TRAM1: variants seen among roughly 807,000 people sequenced by gnomAD.
TRAM1 encodes translocation associated membrane protein 1.
In TRAM1, 17 loss-of-function variants were observed where a neutral mutation model predicts 48.7. The observed-to-expected ratio is 0.35, with a 90% CI of 0.24 to 0.52. The LOEUF is 0.52. Ranked by LOEUF, TRAM1 falls within the 20% of genes least tolerant of loss-of-function variation. TRAM1 has a pLI of 0.94. For missense variants in TRAM1, 351 were observed against 441.5 expected (o/e 0.79, Z 1.84); for synonymous variants, 182 against 154.0 (o/e 1.18, Z -1.34).
chr8:70,574,791 T>TA lies in TRAM1; in HGVS notation c.*140dup, dbSNP rs934745441. On this transcript the variant is annotated 3_prime_UTR_variant, in exon 11 of 11. Transcript: ENST00000262213. ...AATAATCCTCCCCTCAAATGCCCTT[T>TA]AAAAAAATGCATGAAACCGTACAAT... The TA allele has an allele frequency of 9.3e-6, 6 of 645,214 alleles. No homozygotes were observed. The highest frequency in any genetic ancestry group is 6.8e-5 in the Admixed American group (2 of 29,244). 40.0% of individuals were successfully genotyped at this position (645,214 alleles called of 1,614,324 possible).
chr8:70,603,303 T>TATATACACAC (rs1041808375), intron 1 of TRAM1, among the ~76,000 whole-genome samples: 1 of 149,978 alleles, frequency 6.7e-6, no homozygotes, highest in African/African-American at 2.5e-5. Context: ...ATATGTTTTA[T>TATATACACAC]ACACACACAC....
At chr8:70,587,961 A>C (rs1326992823) in intron 6 of TRAM1, among the ~76,000 whole-genome samples, 1 of 152,202 alleles carries the variant, frequency 6.6e-6, no homozygotes, top group Non-Finnish European at 1.5e-5. Context: ...TCATGCCTAT[A>C]ATCCCAGCAC....
At chr8:70,596,718 G>C (rs1235091678) in intron 4 of TRAM1, among the ~76,000 whole-genome samples, 1 of 151,342 alleles carries the variant, frequency 6.6e-6, no homozygotes, top group Non-Finnish European at 1.5e-5. Flanking sequence ...GGAGACAAAG[G>C]ATCAGGGTGC....
At chr8:70,577,131 G>T (rs530502906) in intron 10 of TRAM1, among the ~76,000 whole-genome samples, 1 of 152,172 alleles carries the variant, frequency 6.6e-6, no homozygotes, top group African/African-American at 2.4e-5. Context: ...GCAGCTCCCT[G>T]CTCCCTTGGC....
chr8:70,580,191 C>T (rs1346592211), intron 10 of TRAM1, among the ~76,000 whole-genome samples: 1 of 152,052 alleles, frequency 6.6e-6, no homozygotes, highest in Non-Finnish European at 1.5e-5. Context: ...AAAAACACTC[C>T]CCAGTTCATT....
chr8:70,593,721 G>A (rs1206735614), intron 6 of TRAM1, among the ~76,000 whole-genome samples: 1 of 152,084 alleles, frequency 6.6e-6, no homozygotes, highest in East Asian at 1.9e-4. Flanking sequence ...GACTATCAGT[G>A]TGCATGAAGC....
intron 10 of TRAM1, among the ~76,000 whole-genome samples, chr8:70,575,257 G>T (rs912687375): frequency 7.2e-5 from 11 of 152,130 alleles, no homozygotes; most frequent in African/African-American, 2.7e-4. Flanking sequence ...AAAGTCACAA[G>T]AATTTAAAAA....
rs531043044 is a variant in TRAM1 at position 70,573,390 on chromosome 8, T to C, written c.*1542A>G. ...AATATGGTACATTTTAATGAGGTTA[T>C]ATACCAAAATAGCCTAAACACCAAC... On this transcript the variant is annotated 3_prime_UTR_variant, in exon 11 of 11. Coordinates refer to ENST00000262213, the MANE Select transcript of TRAM1 (RefSeq NM_014294.6). The C allele has an allele frequency of 6.5e-6, 1 of 152,770 alleles. No individual in the cohort carries two copies. The highest frequency in any genetic ancestry group is 2.4e-5 in the African/African-American group (1 of 41,574). 9.5% of individuals were successfully genotyped at this position (152,770 alleles called of 1,614,324 possible). A position where few individuals can be genotyped will look rare whatever the true frequency, so the allele number is the denominator to read the frequency against.
intron 6 of TRAM1, chr8:70,587,575 C>CT (rs777499694): frequency 1.2e-5 from 2 of 163,344 alleles, no homozygotes; most frequent in African/African-American, 4.8e-5. Context: ...ATCTATGGCT[C>CT]TTTTTTCTAA....
intron 6 of TRAM1, among the ~76,000 whole-genome samples, chr8:70,588,343 T>C (rs908466724): frequency 1.3e-5 from 2 of 152,134 alleles, no homozygotes; most frequent in Non-Finnish European, 2.9e-5. Context: ...CCCAGCACTT[T>C]GGGAGGCTGA....
intron 10 of TRAM1, among the ~76,000 whole-genome samples, chr8:70,575,856 C>G (rs925690531): frequency 6.6e-6 from 1 of 151,936 alleles, no homozygotes; most frequent in African/African-American, 2.4e-5. Flanking sequence ...GTGGGTGGAT[C>G]ACCTGAGGCC....
chr8:70,577,877 G>A (rs559267320), intron 10 of TRAM1, among the ~76,000 whole-genome samples: 9 of 152,350 alleles, frequency 5.9e-5, no homozygotes, highest in Non-Finnish European at 8.8e-5. Flanking sequence ...AGCGGAAGCC[G>A]CATGCAGTAC....
chr8:70,606,760 G>T, intron 1 of TRAM1: 1 of 363,240 alleles, frequency 2.8e-6, no homozygotes, highest in Non-Finnish European at 3.8e-6. Flanking sequence ...AATAATATCT[G>T]TATCTAGATC....
At chr8:70,579,390 T>C (rs1817026616) in intron 10 of TRAM1, among the ~76,000 whole-genome samples, 1 of 152,216 alleles carries the variant, frequency 6.6e-6, no homozygotes, top group East Asian at 1.9e-4. Context: ...AAATGAGTCA[T>C]GTATACACAT....
At position 70,592,387 on chromosome 8, in the gene TRAM1, T is replaced by C. The variant is rs541553007; in HGVS notation, c.570+2119A>G. ...TAAAGAGTTCCAAAAATAATTTTCA[T>C]AGAGTAAATTTTAAGAAACTGTTTA... On this transcript the variant is annotated intron_variant, in intron 6 of 10. Coordinates refer to ENST00000262213, the MANE Select transcript of TRAM1 (RefSeq NM_014294.6). Among the ~76,000 whole-genome samples the C allele has an allele frequency of 2.6e-5, 4 of 151,916 alleles. No individual in the cohort carries two copies. In the South Asian group the frequency reaches 8.3e-4, roughly 31 times the overall value.
chr8:70,574,908 A>G lies in TRAM1; in HGVS notation c.*24T>C. 1 of 1,475,724 alleles carries G rather than the reference A, an allele frequency of 6.8e-7. No homozygotes were observed. Among genetic ancestry groups the G allele is most frequent in the Non-Finnish European group, 9.4e-7 (1 of 1,059,944 alleles). The allele number at this position is 1,475,724 out of a possible 1,614,324, so 91.4% of individuals were successfully genotyped here. A position where few individuals can be genotyped will look rare whatever the true frequency, so the allele number is the denominator to read the frequency against. On this transcript the variant is annotated 3_prime_UTR_variant, in exon 11 of 11. Transcript: ENST00000262213. ...GTAGAAAGCAGATTTCTTTGGGGAC[A>G]TTAATCAATTAGTTTATAATTCATT...
At chr8:70,604,254 T>G (rs1817673857) in intron 1 of TRAM1, among the ~76,000 whole-genome samples, 1 of 152,170 alleles carries the variant, frequency 6.6e-6, no homozygotes, top group Admixed American at 6.5e-5. Context: ...TTTCTTTAAT[T>G]AAATGTCACC....
At chr8:70,582,943 G>C (rs1817112472) in intron 10 of TRAM1, among the ~76,000 whole-genome samples, 1 of 152,208 alleles carries the variant, frequency 6.6e-6, no homozygotes, top group South Asian at 2.1e-4. Flanking sequence ...TTGTTAAAGA[G>C]AAATGTGATG....
intron 6 of TRAM1, among the ~76,000 whole-genome samples, chr8:70,591,412 C>T (rs943125187): frequency 1.3e-5 from 2 of 152,070 alleles, no homozygotes; most frequent in African/African-American, 2.4e-5. Flanking sequence ...TGTCTGAGGC[C>T]GACAACAAAG....
Sources: allele counts gnomAD v4.1 joint callset (sites outside exome capture counted in the v4.1 genomes callset), GRCh38; gene constraint gnomAD v4.1.1; transcripts MANE v1.5; gene names NCBI Gene and HGNC (gene_info 2026-07-23, HGNC 2026-07-21).